LDAH: variants seen among roughly 807,000 people sequenced by gnomAD.
LDAH encodes the protein lipid droplet associated hydrolase.
Under a neutral mutation model 29.6 loss-of-function variants are expected in LDAH, and 26 were observed. That is an observed-to-expected ratio of 0.88 (90% CI 0.64 to 1.22). The LOEUF is 1.22. LDAH is among the 50% of genes most tolerant of loss of function. The pLI, the probability that LDAH is intolerant of heterozygous loss-of-function variation, is 0.00. For missense variants in LDAH, 344 were observed against 387.3 expected (o/e 0.89, Z 0.94); for synonymous variants, 117 against 133.0 (o/e 0.88, Z 0.83).
chr2:20,764,461 C>G (rs1452772262), intron 4 of LDAH, among the ~76,000 whole-genome samples: 1 of 152,194 alleles, frequency 6.6e-6, no homozygotes, highest in African/African-American at 2.4e-5. Context: ...TCCTTCTGTT[C>G]CCAGCTCAAT....
intron 3 of LDAH, chr2:20,789,325 A>G: frequency 6.5e-7 from 1 of 1,537,404 alleles, no homozygotes; most frequent in South Asian, 1.2e-5. Context: ...CCACGAGAGG[A>G]CAGCAAGAAT....
intron 5 of LDAH, among the ~76,000 whole-genome samples, chr2:20,710,186 A>C (rs1664611919): frequency 6.6e-6 from 1 of 152,164 alleles, no homozygotes; most frequent in African/African-American, 2.4e-5. Flanking sequence ...CAGATTGATC[A>C]GGGAAAAAAA....
chr2:20,812,466 T>G (rs1222657508), intron 1 of LDAH, among the ~76,000 whole-genome samples: 3 of 152,208 alleles, frequency 2.0e-5, no homozygotes, highest in Non-Finnish European at 4.4e-5. Flanking sequence ...GGTGCCTCAT[T>G]GATGCATAAA....
intron 4 of LDAH, among the ~76,000 whole-genome samples, chr2:20,744,449 C>A (rs985720668): frequency 2.0e-5 from 3 of 152,108 alleles, no homozygotes; most frequent in Non-Finnish European, 4.4e-5. Context: ...CCTCAGTATT[C>A]TTCTCCCCTC....
chr2:20,712,915 A>G (rs1206653557), intron 5 of LDAH, among the ~76,000 whole-genome samples: 8 of 152,124 alleles, frequency 5.3e-5, no homozygotes, highest in African/African-American at 1.9e-4. Flanking sequence ...ATGTTTGATT[A>G]GTGTACCTGA....
chr2:20,765,591 T>G (rs1414743133), intron 4 of LDAH, among the ~76,000 whole-genome samples: 1 of 152,208 alleles, frequency 6.6e-6, no homozygotes, highest in Non-Finnish European at 1.5e-5. Context: ...AGGGCTCAGT[T>G]GGATGGTTCT....
At chr2:20,800,873 C>T (rs1305732702) in intron 2 of LDAH, among the ~76,000 whole-genome samples, 1 of 152,028 alleles carries the variant, frequency 6.6e-6, no homozygotes, top group Non-Finnish European at 1.5e-5. Context: ...ACCTTGTGAT[C>T]CACCCACCTC....
intron 4 of LDAH, among the ~76,000 whole-genome samples, chr2:20,741,568 G>A (rs111437253): frequency 3.3e-5 from 5 of 152,036 alleles, no homozygotes; most frequent in Non-Finnish European, 7.4e-5. Context: ...AGGAAAAAAC[G>A]TTATTACTTC....
At chr2:20,801,117 C>T (rs1050041131) in intron 2 of LDAH, among the ~76,000 whole-genome samples, 193 bp downstream of exon 2, 2 of 151,832 alleles carry the variant, frequency 1.3e-5, no homozygotes, top group African/African-American at 4.8e-5. Context: ...CAACAGACAA[C>T]ATAATGTAAA....
chr2:20,716,906 G>A (rs1244794472), intron 5 of LDAH, among the ~76,000 whole-genome samples: 1 of 151,844 alleles, frequency 6.6e-6, no homozygotes, highest in East Asian at 1.9e-4. Flanking sequence ...AACTTGATTT[G>A]AGCATGAACT....
chr2:20,782,934 C>A (rs1670297069), intron 3 of LDAH, among the ~76,000 whole-genome samples: 1 of 152,160 alleles, frequency 6.6e-6, no homozygotes, highest in Non-Finnish European at 1.5e-5. Context: ...TATCTTCCTT[C>A]TTCTCTAATA....
chr2:20,727,226 A>G (rs1260711033), intron 5 of LDAH, among the ~76,000 whole-genome samples: 1 of 152,134 alleles, frequency 6.6e-6, no homozygotes, highest in Non-Finnish European at 1.5e-5. Flanking sequence ...TAAATAAATA[A>G]ATAAAAGCCA....
At chr2:20,689,272 A>C (rs1338273608) in intron 6 of LDAH, among the ~76,000 whole-genome samples, 1 of 152,138 alleles carries the variant, frequency 6.6e-6, no homozygotes, top group Non-Finnish European at 1.5e-5. Context: ...CAACTTACAG[A>C]TTTATCACTT....
intron 5 of LDAH, among the ~76,000 whole-genome samples, chr2:20,707,229 A>G (rs1664373035): frequency 6.6e-6 from 1 of 152,182 alleles, no homozygotes; most frequent in African/African-American, 2.4e-5. Flanking sequence ...AAAATTTTTC[A>G]TACCAGCCAA....
intron 1 of LDAH, among the ~76,000 whole-genome samples, chr2:20,814,270 G>A (rs552069563): frequency 2.0e-4 from 30 of 151,724 alleles, no homozygotes; most frequent in African/African-American, 7.0e-4. Flanking sequence ...TTATATTGTA[G>A]GGATAGGAAT....
rs192860319 is a variant in LDAH at position 20,800,097 on chromosome 2, C to T, written c.154+1213G>A. On this transcript the variant is annotated intron_variant, in intron 2 of 6. Coordinates refer to ENST00000237822, the MANE Select transcript of LDAH (RefSeq NM_021925.4). ...AGAAAAGTAGATCCCTTCCTCAGTG[C>T]CTGCCCTTAAAATCTAGATGCATCA... is the stretch of plus-strand genomic sequence containing the variant. Among the ~76,000 whole-genome samples, 55 of 152,232 alleles carry T rather than the reference C, an allele frequency of 3.6e-4. No individual in the cohort carries two copies. The East Asian group carries it at 0.01, about 29-fold the overall frequency.
At chr2:20,781,074 T>C (rs1408625552) in intron 3 of LDAH, among the ~76,000 whole-genome samples, 3 of 152,214 alleles carry the variant, frequency 2.0e-5, no homozygotes, top group African/African-American at 4.8e-5. Flanking sequence ...AATGTTTTTA[T>C]CTGCTAATAC....
At chr2:20,788,543 T>C (rs761917668) in intron 3 of LDAH, among the ~76,000 whole-genome samples, 4 of 152,226 alleles carry the variant, frequency 2.6e-5, no homozygotes, top group African/African-American at 9.6e-5. Context: ...ATCATGCATA[T>C]ATAATAACGA....
chr2:20,773,660 T>C (rs1168525731), intron 4 of LDAH, among the ~76,000 whole-genome samples: 1 of 152,190 alleles, frequency 6.6e-6, no homozygotes, highest in Non-Finnish European at 1.5e-5. Context: ...AATAATAATT[T>C]AAAACCTCCA....
Sources: allele counts gnomAD v4.1 joint callset (sites outside exome capture counted in the v4.1 genomes callset), GRCh38; gene constraint gnomAD v4.1.1; transcripts MANE v1.5; gene names NCBI Gene and HGNC (gene_info 2026-07-23, HGNC 2026-07-21).